XRCC6: variants seen among roughly 807,000 people sequenced by gnomAD.
XRCC6 encodes X-ray repair cross complementing 6, also known as DNA repair protein Ku70.
XRCC6 carries 5 observed loss-of-function variants against 65.7 expected under a neutral mutation model. That is an observed-to-expected ratio of 0.08 (90% CI 0.04 to 0.16). XRCC6 has a LOEUF of 0.16. Ranked by LOEUF, XRCC6 falls within the 10% of genes least tolerant of loss-of-function variation. XRCC6 has a pLI of 1.00. For missense variants in XRCC6, 447 were observed against 738.1 expected (o/e 0.61, Z 4.57); for synonymous variants, 270 against 270.6 (o/e 1.00, Z 0.02).
At chr22:41,655,967 G>A (rs553511356) in intron 9 of XRCC6, among the ~76,000 whole-genome samples, 60 of 151,832 alleles carry the variant, frequency 4.0e-4, no homozygotes, top group Non-Finnish European at 6.9e-4. Flanking sequence ...TGTGGCTAAT[G>A]CCTGTAATCT....
rs964017928 is a variant in XRCC6, at chr22:41,656,813, ACAG to A, written c.1292-89_1292-87del. The A allele has an allele frequency of 1.2e-5, 19 of 1,586,456 alleles. No individual in the cohort carries two copies. The African/African-American group carries it at 2.2e-4, about 18-fold the overall frequency. On this transcript the variant is annotated intron_variant, in intron 9 of 12. Transcript: ENST00000360079. ...CCTACGGGGCCCCAGCCCCAGCACC[ACAG>A]GACATAAAAGGAAGAATTTGGAGCT...
intron 9 of XRCC6, among the ~76,000 whole-genome samples, chr22:41,656,522 A>T (rs1463607794): frequency 3.3e-5 from 5 of 151,794 alleles, no homozygotes; most frequent in African/African-American, 1.2e-4. Context: ...ATCTCAAAAA[A>T]AAAAAAAGAT....
intron 3 of XRCC6, among the ~76,000 whole-genome samples, chr22:41,633,655 A>C (rs1324407307): frequency 6.6e-6 from 1 of 152,136 alleles, no homozygotes; most frequent in Non-Finnish European, 1.5e-5. Flanking sequence ...TGCTGGGATT[A>C]CAGGCATGAG....
At chr22:41,627,565 T>G (rs1421013992) in intron 2 of XRCC6, among the ~76,000 whole-genome samples, 1 of 142,106 alleles carries the variant, frequency 7.0e-6, no homozygotes, top group African/African-American at 2.7e-5. Flanking sequence ...AAGCCGAGAT[T>G]GTGCCACTGT....
intron 2 of XRCC6, among the ~76,000 whole-genome samples, chr22:41,625,261 G>A (rs769706447): frequency 5.9e-5 from 9 of 152,214 alleles, no homozygotes; most frequent in Admixed American, 6.5e-5. Context: ...CCAAGATCGC[G>A]TCATCGCATG....
intron 12 of XRCC6, 123 bp downstream of exon 12, chr22:41,661,567 C>A: frequency 2.5e-6 from 2 of 795,176 alleles, no homozygotes; most frequent in South Asian, 1.9e-5. Flanking sequence ...GGCTTTTATC[C>A]AAAAAACAGA....
chr22:41,632,960 C>G (rs927487824), intron 3 of XRCC6, among the ~76,000 whole-genome samples: 3 of 151,556 alleles, frequency 2.0e-5, no homozygotes, highest in Admixed American at 6.6e-5. Flanking sequence ...AACCTCGTCT[C>G]TACTAAAAAT....
intron 2 of XRCC6, among the ~76,000 whole-genome samples, chr22:41,623,017 C>T (rs980099916): frequency 6.6e-6 from 1 of 152,020 alleles, no homozygotes; most frequent in African/African-American, 2.4e-5. Flanking sequence ...CACTCTAACA[C>T]AACCACTACC....
Position 41,661,414 on chromosome 22 carries a change from C to A in XRCC6, c.1606C>A (p.Pro536Thr), listed in dbSNP as rs2068098051. ...GCTTGTTTACCCACCAGATTACAAT[C>A]CTGAAGGGAAAGTTACCAAGAGAAA... is the stretch of plus-strand genomic sequence containing the variant. Reference protein sequence around the residue: ...KELVYPPDYNPEGKVTKRKHD... With the variant: ...KELVYPPDYNTEGKVTKRKHD... Residue 536 changes from proline (P) to threonine (T), a missense_variant, in exon 12 of 13, where the codon CCT becomes ACT. Physicochemically the swap from Pro to Thr is conservative, Grantham distance 38. Around this residue, in one of 4 missense-constraint regions of XRCC6, gnomAD observed 201 missense variants for 374.1 expected, o/e 0.54. Coordinates refer to ENST00000360079, the MANE Select transcript of XRCC6 (RefSeq NM_001469.5). 2 of 1,613,970 alleles carry A rather than the reference C, an allele frequency of 1.2e-6. No homozygotes were observed. Among genetic ancestry groups the A allele is most frequent in the Non-Finnish European group, 1.7e-6 (2 of 1,179,962 alleles).
rs2068019847 is a variant in XRCC6 at position 41,653,548 on chromosome 22, T to C, written c.1149T>C (p.Ser383=). Reference sequence around the variant, plus strand: ...TTCTAGGGAGCTCAACCCTGTTCAGTGCTCTGCTCATCAAGTGTCTGGAGA... The same window carrying C: ...TTCTAGGGAGCTCAACCCTGTTCAGCGCTCTGCTCATCAAGTGTCTGGAGA... ...SLVIGSSTLF[S]ALLIKCLEKE... is the part of the protein sequence containing the mutation. The change falls in exon 9 of 13, where the codon AGT becomes AGC. Residue 383 remains serine (S), a synonymous_variant. Transcript: ENST00000360079. 6.2e-7 allele frequency: 1 copy of C among 1,612,614 alleles called. No individual in the cohort carries two copies. The highest frequency in any genetic ancestry group is 1.3e-5 in the African/African-American group (1 of 74,910).
intron 6 of XRCC6, among the ~76,000 whole-genome samples, chr22:41,646,587 T>C (rs1368686426): frequency 6.6e-6 from 1 of 152,176 alleles, no homozygotes; most frequent in Admixed American, 6.6e-5. Flanking sequence ...GTAAGTACTA[T>C]AAAATGCAAA....
At chr22:41,654,771 C>T (rs1049601253) in intron 9 of XRCC6, among the ~76,000 whole-genome samples, 1 of 152,146 alleles carries the variant, frequency 6.6e-6, no homozygotes, top group African/African-American at 2.4e-5. Context: ...AGGCACTGTC[C>T]GGCTAGCTCT....
At position 41,650,165 on chromosome 22, in the gene XRCC6, C is replaced by T. The variant is rs541453119; in HGVS notation, c.961-558C>T. Reference sequence around the variant, plus strand: ...TGGTACCCAGGTTGCAGTGCAGTGGCGCCATCTTGGCACACTGCATCCTCG... The same window carrying T: ...TGGTACCCAGGTTGCAGTGCAGTGGTGCCATCTTGGCACACTGCATCCTCG... On this transcript the variant is annotated intron_variant, in intron 7 of 12. Transcript: ENST00000360079. Among the ~76,000 whole-genome samples the T allele has an allele frequency of 6.6e-5, 10 of 151,714 alleles. No individual in the cohort carries two copies. The South Asian group carries it at 1.7e-3, about 25-fold the overall frequency.
At chr22:41,661,300 C>A in intron 11 of XRCC6, 31 bp from the exon 12 acceptor site, 2 of 1,593,484 alleles carry the variant, frequency 1.3e-6, no homozygotes, top group Non-Finnish European at 1.7e-6. Context: ...CGTGACTCAC[C>A]AGGCCACTCT....
Position 41,653,585 on chromosome 22 carries a change from G to T in XRCC6, c.1186G>T (p.Ala396Ser). Reference protein sequence around the residue: ...LIKCLEKEVAALCRYTPRRNI... With the variant: ...LIKCLEKEVASLCRYTPRRNI... ...CAAGTGTCTGGAGAAGGAGGTTGCA[G>T]CATTGTGCAGATACACACCCCGCAG... is the stretch of plus-strand genomic sequence containing the variant. Residue 396 changes from alanine (A) to serine (S), a missense_variant, in exon 9 of 13, where the codon GCA (alanine) becomes TCA (serine). Physicochemically the swap from Ala to Ser is moderately conservative, Grantham distance 99. This residue lies in a region of XRCC6 where 201 missense variants were observed against 374.1 expected (regional missense o/e 0.54). Coordinates refer to ENST00000360079, the MANE Select transcript of XRCC6 (RefSeq NM_001469.5). The T allele has an allele frequency of 6.2e-7, 1 of 1,614,072 alleles. No homozygotes were observed. The highest frequency in any genetic ancestry group is 8.5e-7 in the Non-Finnish European group (1 of 1,179,972).
At chr22:41,650,097 A>ATT (rs60305397) in intron 7 of XRCC6, among the ~76,000 whole-genome samples, 1 of 146,984 alleles carries the variant, frequency 6.8e-6, no homozygotes, top group Admixed American at 6.8e-5. Flanking sequence ...AGGTCAGTAC[A>ATT]TTTTTTTTTT....
Position 41,636,753 on chromosome 22 carries a change from G to T in XRCC6, c.572G>T (p.Gly191Val). 1 of 1,614,140 alleles carries T rather than the reference G, an allele frequency of 6.2e-7. No homozygotes were observed. Among genetic ancestry groups the T allele is most frequent in the Non-Finnish European group, 8.5e-7 (1 of 1,180,034 alleles). The change falls in exon 5 of 13, where the codon GGT becomes GTT. Residue 191 changes from glycine (G) to valine (V), a missense_variant. Coordinates refer to ENST00000360079, the MANE Select transcript of XRCC6 (RefSeq NM_001469.5). ...GCCAGCCGGGCCAGGACCAAAGCCG[G>T]TGATCTCCGAGATACAGGTGGGCAT... ...AKASRARTKA[G>V]DLRDTGIFLD...
intron 1 of XRCC6, 42 bp from the exon 2 acceptor site, chr22:41,621,948 A>G: frequency 6.3e-7 from 1 of 1,595,764 alleles, no homozygotes. Flanking sequence ...TATTTTTTCG[A>G]TTTAAATTTG....
At chr22:41,635,590 G>C (rs2067800642) in intron 3 of XRCC6, among the ~76,000 whole-genome samples, 2 of 152,272 alleles carry the variant, frequency 1.3e-5, no homozygotes, top group South Asian at 4.1e-4. Flanking sequence ...GCCCAGGCTG[G>C]ACTGTAGTGG....
Sources: gnomAD v4.1 joint callset for allele counts (sites outside exome capture counted in the v4.1 genomes callset) on GRCh38, gnomAD v4.1.1 for gene constraint, gnomAD v4.1.1 regional missense constraint, MANE v1.5 for transcripts, NCBI Gene and HGNC (gene_info 2026-07-23, HGNC 2026-07-21) for gene names.